Variants in DPYD observed in about 807,000 individuals in gnomAD.
DPYD encodes dihydropyrimidine dehydrogenase.
DPYD carries 109 observed loss-of-function variants against 116.2 expected under a neutral mutation model. The ratio of observed to expected loss-of-function variants is 0.94; its 90% CI spans 0.80 to 1.10. DPYD has a LOEUF of 1.10. Among genes scored for constraint, DPYD ranks in the 50% least tolerant of loss-of-function variants. DPYD has a pLI of 0.00. For missense variants in DPYD, 1,302 were observed against 1,254.5 expected (o/e 1.04, Z -0.57); for synonymous variants, 440 against 432.0 (o/e 1.02, Z -0.23).
intron 12 of DPYD, among the ~76,000 whole-genome samples, chr1:97,522,437 T>C (rs868518338): frequency 2.6e-5 from 4 of 152,096 alleles, no homozygotes; most frequent in Non-Finnish European, 5.9e-5. Flanking sequence ...AAAATATGCA[T>C]GTATGTCGGG....
intron 18 of DPYD, among the ~76,000 whole-genome samples, chr1:97,257,452 T>TATATATATAGAGAGAGAG (rs375490078): frequency 0.019 from 2,404 of 126,072 alleles, 47 homozygotes; most frequent in East Asian, 0.063. Context: ...TATATATATA[T>TATATATATAGAGAGAGAG]AGAGAGAGAG....
At chr1:97,609,188 G>T (rs549824219) in intron 8 of DPYD, among the ~76,000 whole-genome samples, 1 of 151,702 alleles carries the variant, frequency 6.6e-6, no homozygotes. Context: ...TTGTAAATAC[G>T]TTTATATTTT....
At chr1:97,169,582 T>C (rs1224691579) in intron 20 of DPYD, among the ~76,000 whole-genome samples, 7 of 141,316 alleles carry the variant, frequency 5.0e-5, no homozygotes, top group Non-Finnish European at 7.7e-5. Context: ...TTTGCTCTTG[T>C]TGCCCAGGGT....
intron 18 of DPYD, among the ~76,000 whole-genome samples, chr1:97,272,401 C>G (rs1035460752): frequency 1.3e-5 from 2 of 152,064 alleles, no homozygotes; most frequent in Non-Finnish European, 2.9e-5. Context: ...TCATTTCCGT[C>G]TGAATTGTCC....
chr1:97,596,771 T>C (rs1363900873), intron 8 of DPYD, among the ~76,000 whole-genome samples: 1 of 152,212 alleles, frequency 6.6e-6, no homozygotes, highest in East Asian at 1.9e-4. Flanking sequence ...ACCACCATTG[T>C]CTCTTCAGAT....
intron 20 of DPYD, among the ~76,000 whole-genome samples, chr1:97,121,175 G>C: frequency 6.6e-6 from 1 of 152,276 alleles, no homozygotes; most frequent in East Asian, 1.9e-4. Flanking sequence ...ATGCAGAGGG[G>C]TGGAGCCCCT....
chr1:97,189,760 T>C (rs755157045), intron 20 of DPYD, among the ~76,000 whole-genome samples: 3 of 152,176 alleles, frequency 2.0e-5, no homozygotes, highest in Non-Finnish European at 4.4e-5. Flanking sequence ...TTTTGGATTT[T>C]AGAAATGTAA....
At chr1:97,182,280 T>G (rs1657699251) in intron 20 of DPYD, among the ~76,000 whole-genome samples, 1 of 152,148 alleles carries the variant, frequency 6.6e-6, no homozygotes, top group Admixed American at 6.6e-5. Flanking sequence ...ACTCCAGCAT[T>G]CTACTTAAGA....
chr1:97,086,390 T>C (rs1177186926), intron 21 of DPYD, among the ~76,000 whole-genome samples: 2 of 151,590 alleles, frequency 1.3e-5, no homozygotes, highest in Non-Finnish European at 2.9e-5. Flanking sequence ...TCAATGTTTC[T>C]GTTTGATATA....
intron 8 of DPYD, among the ~76,000 whole-genome samples, chr1:97,605,034 C>T (rs1655497002): frequency 6.6e-6 from 1 of 152,056 alleles, no homozygotes; most frequent in Non-Finnish European, 1.5e-5. Flanking sequence ...AAATCAATTA[C>T]ACTATACCAT....
Position 97,865,828 on chromosome 1 carries a change from C to A in DPYD, c.150+17436G>T, listed in dbSNP as rs560483801. Among the ~76,000 whole-genome samples, 3 of 151,900 alleles carry A rather than the reference C, an allele frequency of 2.0e-5. No individual in the cohort carries two copies. The South Asian group carries it at 6.2e-4, about 32-fold the overall frequency. On this transcript the variant is annotated intron_variant, in intron 2 of 22. Coordinates refer to ENST00000370192, the MANE Select transcript of DPYD (RefSeq NM_000110.4). Reference sequence around the variant, plus strand: ...AAAAGAAGCCTAATACAAACAAGTACCTAAATGAATTGAAAATATCAACAC... The same window carrying A: ...AAAAGAAGCCTAATACAAACAAGTAACTAAATGAATTGAAAATATCAACAC...
intron 19 of DPYD, among the ~76,000 whole-genome samples, chr1:97,207,003 C>G (rs1237199094): frequency 6.6e-6 from 1 of 151,906 alleles, no homozygotes; most frequent in Non-Finnish European, 1.5e-5. Flanking sequence ...TCATTTGGAT[C>G]TCATTCACCA....
rs114908782 is a variant in DPYD, at chr1:97,178,600, A to G, written c.2622+14469T>C. On this transcript the variant is annotated intron_variant, in intron 20 of 22. Transcript: ENST00000370192. ...TCACCAGGTTCCACCCTTGACACATAGGGATTTTGGGGATTACAATTCAAG... is the reference window on the plus strand; with the variant it reads ...TCACCAGGTTCCACCCTTGACACATGGGGATTTTGGGGATTACAATTCAAG... Among the ~76,000 whole-genome samples, 1,422 of 152,238 alleles carry G rather than the reference A, an allele frequency of 9.3e-3. 29 individuals are homozygous for G. Among genetic ancestry groups the G allele is most frequent in the African/African-American group, 0.032 (1,335 of 41,560 alleles).
At chr1:97,301,993 G>A (rs1049493061) in intron 18 of DPYD, among the ~76,000 whole-genome samples, 1 of 151,928 alleles carries the variant, frequency 6.6e-6, no homozygotes, top group African/African-American at 2.4e-5. Flanking sequence ...GTCAAGGATG[G>A]AGTTTATAAT....
chr1:97,746,549 G>T lies in DPYD; in HGVS notation c.234-6070C>A, dbSNP rs187736933. Among the ~76,000 whole-genome samples, 80 of 152,150 alleles carry T rather than the reference G, an allele frequency of 5.3e-4. 1 individual carries two copies. The East Asian group carries it at 0.015, about 28-fold the overall frequency. Reference sequence around the variant, plus strand: ...CTATTAAAGACTGTTGCTCTTAAACGTATTTGTTTCGCTTTCTTACCCTGG... The same window carrying T: ...CTATTAAAGACTGTTGCTCTTAAACTTATTTGTTTCGCTTTCTTACCCTGG... On this transcript the variant is annotated intron_variant, in intron 3 of 22. Coordinates refer to ENST00000370192, the MANE Select transcript of DPYD (RefSeq NM_000110.4).
chr1:97,213,620 G>A (rs1033324386), intron 19 of DPYD, among the ~76,000 whole-genome samples: 6 of 152,066 alleles, frequency 3.9e-5, no homozygotes, highest in African/African-American at 1.4e-4. Flanking sequence ...AGTCAAATAC[G>A]GGACTTTGAA....
intron 8 of DPYD, among the ~76,000 whole-genome samples, chr1:97,629,219 GTTACCAC>G (rs1438323820): frequency 6.6e-6 from 1 of 151,964 alleles, no homozygotes; most frequent in Non-Finnish European, 1.5e-5. Flanking sequence ...CACTTACATT[GTTACCAC>G]TCTCTTAGCT....
chr1:97,141,907 C>G (rs1420972317), intron 20 of DPYD, among the ~76,000 whole-genome samples: 1 of 152,094 alleles, frequency 6.6e-6, no homozygotes, highest in Admixed American at 6.6e-5. Context: ...TGCCAAGTAG[C>G]CGCAGTACAT....
At chr1:97,615,511 C>T (rs1656210305) in intron 8 of DPYD, among the ~76,000 whole-genome samples, 1 of 152,156 alleles carries the variant, frequency 6.6e-6, no homozygotes, top group African/African-American at 2.4e-5. Context: ...ACAACTCCCT[C>T]TCCATCAAAC....
Sources: allele counts gnomAD v4.1 joint callset (sites outside exome capture counted in the v4.1 genomes callset), GRCh38; gene constraint gnomAD v4.1.1; transcripts MANE v1.5; gene names NCBI Gene and HGNC (gene_info 2026-07-23, HGNC 2026-07-21).